PLCB3: variants seen among roughly 807,000 people sequenced by gnomAD.
The protein encoded by PLCB3 is phospholipase C beta 3.
In PLCB3, 54 loss-of-function variants were observed where a neutral mutation model predicts 152.1. That is an observed-to-expected ratio of 0.36 (90% CI 0.29 to 0.45). The LOEUF (loss-of-function observed/expected upper bound fraction) is 0.45. PLCB3 is among the 20% of genes least tolerant of loss of function. The pLI is 1.00. For synonymous variants in PLCB3, 717 were observed against 698.7 expected (o/e 1.03, Z -0.41); for missense variants, 1,248 against 1,687.5 (o/e 0.74, Z 4.56).
At chr11:64,261,547 C>T in intron 15 of PLCB3, 34 bp from the exon 16 acceptor site, 1 of 1,612,208 alleles carries the variant, frequency 6.2e-7, no homozygotes. Flanking sequence ...TCAGCCCTGC[C>T]AGGTCTGACG....
intron 1 of PLCB3, 130 bp from the exon 2 acceptor site, chr11:64,254,284 CT>C: frequency 1.3e-6 from 1 of 752,692 alleles, no homozygotes; most frequent in Middle Eastern, 2.4e-4. Flanking sequence ...CACACAGGAC[CT>C]GTGGACTGGA....
chr11:64,267,797 C>T lies in PLCB3; in HGVS notation c.*241C>T. On this transcript the variant is annotated 3_prime_UTR_variant, in exon 31 of 31. Coordinates refer to ENST00000279230, the MANE Select transcript of PLCB3 (RefSeq NM_000932.5). The surrounding 1 kb of genome is among the most constrained non-coding windows in gnomAD (Gnocchi z 5.2). ...TCCCTGTGACACCCACACCCTCGAG[C>T]TAGCAGCGTCTCCTCCCTTCCCCGG... The T allele has an allele frequency of 2.1e-6, 1 of 468,486 alleles. No individual in the cohort carries two copies. The highest frequency in any genetic ancestry group is 3.8e-6 in the Non-Finnish European group (1 of 265,520). The allele number at this position is 468,486 out of a possible 1,614,324, so 29.0% of individuals were successfully genotyped here. A position where few individuals can be genotyped will look rare whatever the true frequency, so the allele number is the denominator to read the frequency against.
In PLCB3 at chr11:64,262,390, T is replaced by A. The variant is rs752795814; in HGVS notation, c.2039-17T>A. 6 of 1,608,456 alleles carry A rather than the reference T, an allele frequency of 3.7e-6. No homozygotes were observed. The highest frequency in any genetic ancestry group is 5.1e-6 in the Non-Finnish European group (6 of 1,175,872). On this transcript the variant is annotated splice_polypyrimidine_tract_variant and intron_variant, in intron 17 of 30. Transcript: ENST00000279230. Reference sequence around the variant, plus strand: ...GCCTGATCCCTGCCCCTGCTCGACGTGCCCGTGGCACCCCAGATGTGGCGA... The same window carrying A: ...GCCTGATCCCTGCCCCTGCTCGACGAGCCCGTGGCACCCCAGATGTGGCGA...
At position 64,258,621 on chromosome 11, in the gene PLCB3, G is replaced by T; in HGVS notation, c.1161G>T (p.Val387=). Residue 387 remains valine (V), a synonymous_variant, in exon 11 of 31, where the codon GTG becomes GTT. Transcript: ENST00000279230. The surrounding 1 kb of genome is among the most constrained non-coding windows in gnomAD (Gnocchi z 7.2). ...ITHGFTMTTE[V]PLRDVLEAIA... ...ACGGCTTCACCATGACCACAGAGGT[G>T]CCTCTGCGCGACGTGCTGGAGGCCA... 1.2e-6 allele frequency: 2 copies of T among 1,614,030 alleles called. No individual in the cohort carries two copies. The highest frequency in any genetic ancestry group is 1.7e-6 in the Non-Finnish European group (2 of 1,180,010).
At chr11:64,261,222 T>C (rs2031831514) in intron 14 of PLCB3, among the ~76,000 whole-genome samples, 178 bp from the exon 15 acceptor site, 1 of 152,174 alleles carries the variant, frequency 6.6e-6, no homozygotes, top group Non-Finnish European at 1.5e-5. Context: ...GGAAAATTGC[T>C]TGAGCTGGGT....
rs1351975307 is a variant in PLCB3 at position 64,256,261 on chromosome 11, C to A, written c.699-115C>A. ...CATGACTCACCCAGAGTCCCACTCACTGGGTGCCAGATCCAGGGGCAGGCC... is the reference window on the plus strand; with the variant it reads ...CATGACTCACCCAGAGTCCCACTCAATGGGTGCCAGATCCAGGGGCAGGCC... On this transcript the variant is annotated intron_variant, in intron 8 of 30. Coordinates refer to ENST00000279230, the MANE Select transcript of PLCB3 (RefSeq NM_000932.5). 7.9e-6 allele frequency: 7 copies of A among 890,366 alleles called. No homozygotes were observed. In the African/African-American group the frequency reaches 1.0e-4, roughly 13 times the overall value. 55.2% of individuals were successfully genotyped at this position (890,366 alleles called of 1,614,324 possible). A position where few individuals can be genotyped will look rare whatever the true frequency, so the allele number is the denominator to read the frequency against.
chr11:64,254,846 C>G, intron 3 of PLCB3, 30 bp downstream of exon 3: 1 of 1,613,838 alleles, frequency 6.2e-7, no homozygotes, highest in Non-Finnish European at 8.5e-7. Flanking sequence ...GTGAAGACCA[C>G]AGCGAGGCTG....
chr11:64,254,958 C>T lies in PLCB3; in HGVS notation c.307C>T (p.Leu103=), dbSNP rs11231731. The stretch of plus-strand genomic sequence containing the variant: ...TCCCGATGCCCGGCTGGAGGAGAAG[C>T]TGATGACGGTGGTGTCTGGGCCAGA... The part of the protein sequence containing the change: ...GGPDARLEEK[L]MTVVSGPDPV... Residue 103 remains leucine (L), a synonymous_variant, in exon 4 of 31, where the codon CTG becomes TTG. Transcript: ENST00000279230. 38 of 1,600,668 alleles carry T rather than the reference C, an allele frequency of 2.4e-5. No homozygotes were observed. In the East Asian group the frequency reaches 8.0e-4, roughly 34 times the overall value.
intron 21 of PLCB3, 93 bp downstream of exon 21, chr11:64,263,888 C>G (rs917683507): frequency 3.3e-6 from 4 of 1,224,586 alleles, no homozygotes; most frequent in Admixed American, 3.6e-5. Context: ...TGGATGGCCC[C>G]GACTGAGTAG....
chr11:64,259,087 C>T lies in PLCB3; in HGVS notation c.1368C>T (p.Pro456=), dbSNP rs1346994298. 1.2e-6 allele frequency: 2 copies of T among 1,612,518 alleles called. No individual in the cohort carries two copies. The highest frequency in any genetic ancestry group is 1.7e-6 in the Non-Finnish European group (2 of 1,179,510). The change falls in exon 13 of 31, where the codon CCC becomes CCT. Residue 456 remains proline, a synonymous_variant. Transcript: ENST00000279230. ...CCCCAGGCGTTCCCCTGCCCAGCCC[C>T]CAGGACCTGATGGGCCGTATCCTGG... ...PLAPGVPLPS[P]QDLMGRILVK...
Position 64,259,212 on chromosome 11 carries a change from C to A in PLCB3, c.1493C>A (p.Ser498Tyr), listed in dbSNP as rs1371253121. The change falls in exon 13 of 31, where the codon TCC (serine) becomes TAC (tyrosine). Residue 498 changes from serine to tyrosine, a missense_variant. Coordinates refer to ENST00000279230, the MANE Select transcript of PLCB3 (RefSeq NM_000932.5). ...EQSNSALSES[S>Y]AATEPSSPQL... ...AGCAATTCTGCCCTGAGCGAGAGCT[C>A]CGCGGCCACCGAGCCCTCCTCCCCG... 1.3e-6 allele frequency: 2 copies of A among 1,565,596 alleles called. No homozygotes were observed. The highest frequency in any genetic ancestry group is 1.7e-6 in the Non-Finnish European group (2 of 1,157,328).
In PLCB3 at chr11:64,267,320, G is replaced by A. The variant is rs1284850407; in HGVS notation, c.3502-33G>A. On this transcript the variant is annotated intron_variant, in intron 30 of 30. Coordinates refer to ENST00000279230, the MANE Select transcript of PLCB3 (RefSeq NM_000932.5). The surrounding 1 kb of genome is among the most constrained non-coding windows in gnomAD (Gnocchi z 5.2). Reference sequence around the variant, plus strand: ...GGCAGACGGGGTGCAAGGCAGCCAGGCCTCGCCTGTGATGCCCATCCTTCT... The same window carrying A: ...GGCAGACGGGGTGCAAGGCAGCCAGACCTCGCCTGTGATGCCCATCCTTCT... The A allele has an allele frequency of 6.4e-7, 1 of 1,550,484 alleles. No homozygotes were observed. Among genetic ancestry groups the A allele is most frequent in the Admixed American group, 2.0e-5 (1 of 51,030 alleles).
In PLCB3 at chr11:64,267,253, G is replaced by A. The variant is rs1223820581; in HGVS notation, c.3483G>A (p.Leu1161=). ...VAGQQQVLQQ[L]AEEEPKLLAQ... ...GGCAGCAGCAGGTCCTGCAACAGCT[G>A]GCAGAAGAGGAGCCCAAGGTGAGGC... The change falls in exon 30 of 31, where the codon CTG becomes CTA. Residue 1161 remains leucine (L), a synonymous_variant. Transcript: ENST00000279230. This position sits in a 1 kb window ranked among gnomAD's most constrained non-coding sequence, Gnocchi z 5.2. 2 of 1,550,878 alleles carry A rather than the reference G, an allele frequency of 1.3e-6. No individual in the cohort carries two copies. The highest frequency in any genetic ancestry group is 1.7e-6 in the Non-Finnish European group (2 of 1,146,986).
At chr11:64,268,933 C>G (rs1251805808), downstream of PLCB3, 2 of 152,340 alleles carry the variant, frequency 1.3e-5, no homozygotes, top group Non-Finnish European at 2.9e-5. Flanking sequence ...AGGGTCAATG[C>G]AATGGCCCCA....
At position 64,255,629 on chromosome 11, in the gene PLCB3, G is replaced by C. The variant is rs975468879; in HGVS notation, c.597+13G>C. The C allele has an allele frequency of 1.9e-6, 3 of 1,607,282 alleles. No individual in the cohort carries two copies. In the Admixed American group the frequency reaches 5.0e-5, roughly 27 times the overall value. On this transcript the variant is annotated intron_variant, in intron 7 of 30. Transcript: ENST00000279230. This position sits in a 1 kb window ranked among gnomAD's most constrained non-coding sequence, Gnocchi z 6.8. ...CAAATTCAACCGGGTGTGTGGGGTGGGGACAGGGGCGGGGTGGGGTGTCAC... is the reference window on the plus strand; with the variant it reads ...CAAATTCAACCGGGTGTGTGGGGTGCGGACAGGGGCGGGGTGGGGTGTCAC...
intron 23 of PLCB3, 30 bp from the exon 24 acceptor site, chr11:64,265,162 C>A (rs2032050628): frequency 1.9e-6 from 3 of 1,577,930 alleles, no homozygotes; most frequent in Non-Finnish European, 2.6e-6. Flanking sequence ...ACCCTGTCCT[C>A]CAGCTCCTCA....
At chr11:64,265,126 G>C (rs1214825014) in intron 23 of PLCB3, 22 bp downstream of exon 23, 12 of 1,554,100 alleles carry the variant, frequency 7.7e-6, no homozygotes, top group East Asian at 2.4e-5. Context: ...CCTGGGTCGG[G>C]GGTGGGCTGC....
At position 64,252,821 on chromosome 11, in the gene PLCB3, G is replaced by A. The variant is rs140690520; in HGVS notation, c.99+1073G>A. ...GGAGAGGGCCCTGGGGGTGGGGTGG[G>A]GGGTGCTGACGGAGGCTTGGGGCAG... is the stretch of plus-strand genomic sequence containing the variant. On this transcript the variant is annotated intron_variant, in intron 1 of 30. Transcript: ENST00000279230. 8.8e-3 allele frequency among the ~76,000 whole-genome samples: 1,334 copies of A among 152,304 alleles called. 5 individuals carry two copies. The highest frequency in any genetic ancestry group is 0.014 in the Non-Finnish European group (940 of 67,994).
rs1591100495 is a variant in PLCB3, at chr11:64,254,931, G to T, written c.280G>T (p.Gly94Cys). 1 of 1,604,556 alleles carries T rather than the reference G, an allele frequency of 6.2e-7. No individual in the cohort carries two copies. Among genetic ancestry groups the T allele is most frequent in the Middle Eastern group, 1.7e-4 (1 of 6,028 alleles). Residue 94 changes from glycine to cysteine, a missense_variant, in exon 4 of 31, where the codon GGT (glycine) becomes TGT (cysteine). Transcript: ENST00000279230. ...GATCCGGGAAGTTCTGGGCTTTGGG[G>T]GTCCCGATGCCCGGCTGGAGGAGAA... is the stretch of plus-strand genomic sequence containing the variant. ...PKIREVLGFG[G>C]PDARLEEKLM...
Sources: gnomAD v4.1 joint callset for allele counts (sites outside exome capture counted in the v4.1 genomes callset) on GRCh38, gnomAD v4.1.1 for gene constraint, Gnocchi (gnomAD v3.1) non-coding constraint, MANE v1.5 for transcripts, NCBI Gene and HGNC (gene_info 2026-07-23, HGNC 2026-07-21) for gene names.